The following SLC28A1 variants were observed in gnomAD, a reference collection of about 807,000 sequenced individuals.
The protein encoded by SLC28A1 is sodium/nucleoside cotransporter 1.
Under a neutral mutation model 74.8 loss-of-function variants are expected in SLC28A1, and 64 were observed. That is an observed-to-expected ratio of 0.86 (90% CI 0.70 to 1.05). The LOEUF is 1.05. Ranked by LOEUF, SLC28A1 falls within the 50% of genes least tolerant of loss-of-function variation. The pLI is 0.00. For missense variants in SLC28A1, 828 were observed against 822.8 expected, an observed-to-expected ratio of 1.01 and a Z score of -0.08; for synonymous variants, 359 against 335.0, an observed-to-expected ratio of 1.07 and a Z score of -0.78.
intron 9 of SLC28A1, among the ~76,000 whole-genome samples, chr15:84,910,635 G>A (rs1191103643): frequency 2.6e-5 from 4 of 152,196 alleles, no homozygotes; most frequent in Admixed American, 2.6e-4. Context: ...GGCTGAGGCA[G>A]GAGAATCGCT....
At position 84,933,289 on chromosome 15, in the gene SLC28A1, G is replaced by T. The variant is rs1423559177; in HGVS notation, c.1214+14G>T. The T allele has an allele frequency of 4.3e-6, 7 of 1,611,682 alleles. No homozygotes were observed. Among genetic ancestry groups the T allele is most frequent in the Non-Finnish European group, 5.1e-6 (6 of 1,178,720 alleles). Reference sequence around the variant, plus strand: ...ACTGACCTATGGGTGAGCACAGCAGGAGGTCCTGCAGACAGGGTAGTGGTA... The same window carrying T: ...ACTGACCTATGGGTGAGCACAGCAGTAGGTCCTGCAGACAGGGTAGTGGTA... On this transcript the variant is annotated intron_variant, in intron 13 of 18. Transcript: ENST00000394573.
downstream of SLC28A1, among the ~76,000 whole-genome samples, chr15:84,950,420 T>TA (rs2079380512): frequency 6.7e-6 from 1 of 149,080 alleles, no homozygotes; most frequent in Non-Finnish European, 1.5e-5. Flanking sequence ...TGTGGCCACT[T>TA]ACAATAAAAA....
intron 4 of SLC28A1, 44 bp downstream of exon 4, chr15:84,888,904 C>G: frequency 7.2e-7 from 1 of 1,398,466 alleles, no homozygotes; most frequent in Non-Finnish European, 9.9e-7. Context: ...GGGGTGGAGG[C>G]TGCTTGGGAA....
chr15:84,948,298 G>A (rs1370632142), downstream of SLC28A1, among the ~76,000 whole-genome samples: 2 of 152,162 alleles, frequency 1.3e-5, no homozygotes, highest in Non-Finnish European at 2.9e-5. Flanking sequence ...AGTGAGCCCT[G>A]AGGTTGGACA....
In SLC28A1 at chr15:84,912,820, A is replaced by AGTG. The variant is rs1567151038; in HGVS notation, c.795+4025_795+4026insGTG. ...TTTGCGCGCGCGCACACACACACAC[A>AGTG]CACACACACACACACACACACACAC... On this transcript the variant is annotated intron_variant, in intron 9 of 18. Coordinates refer to ENST00000394573, the MANE Select transcript of SLC28A1 (RefSeq NM_004213.5). 1.2e-4 allele frequency among the ~76,000 whole-genome samples: 16 copies of AGTG among 130,014 alleles called. No homozygotes were observed. The South Asian group carries it at 1.6e-3, about 13-fold the overall frequency. 85.3% of individuals were successfully genotyped at this position (130,014 alleles called of 152,430 possible).
intron 8 of SLC28A1, among the ~76,000 whole-genome samples, chr15:84,908,300 C>T (rs1967567276): frequency 1.3e-5 from 2 of 150,466 alleles, no homozygotes. Flanking sequence ...TCTCCTGCCT[C>T]AGCCTCCCAA....
intron 12 of SLC28A1, chr15:84,926,604 G>A: frequency 2.2e-6 from 1 of 451,804 alleles, no homozygotes; most frequent in East Asian, 7.1e-5. Flanking sequence ...TCCAACATTT[G>A]CAAAAGCAAG....
rs114194635 is a variant in SLC28A1, at chr15:84,887,782, C to T, written c.22C>T (p.Arg8Ter). Residue 8 changes from arginine to a stop codon, truncating the protein, a stop_gained, in exon 3 of 19, where the codon CGA becomes TGA. Coordinates refer to ENST00000394573, the MANE Select transcript of SLC28A1 (RefSeq NM_004213.5). LOFTEE classifies it high-confidence loss of function. ...GGACATGGAGAACGACCCCTCGAGA[C>T]GAAGAGAGTCCATCTCTCTCACACC... MENDPSR[R>*]RESISLTPVA... is the part of the protein sequence containing the mutation. 363 of 1,614,018 alleles carry T rather than the reference C, an allele frequency of 2.2e-4. 1 individual carries two copies. Among genetic ancestry groups the T allele is most frequent in the South Asian group, 2.1e-3 (191 of 91,078 alleles).
the SLC28A1 span, among the ~76,000 whole-genome samples, chr15:84,954,514 G>A: frequency 2.0e-4 from 31 of 152,262 alleles, no homozygotes; most frequent in East Asian, 1.4e-3. Flanking sequence ...TATGCTGTCC[G>A]TGTAATCCTT....
intron 6 of SLC28A1, among the ~76,000 whole-genome samples, chr15:84,897,349 G>GCA (rs1482027720): frequency 1.3e-5 from 2 of 151,918 alleles, no homozygotes; most frequent in African/African-American, 4.8e-5. Flanking sequence ...TTGCACCACT[G>GCA]CACTCCAGCC....
At chr15:84,925,395 T>G (rs1030104342) in intron 12 of SLC28A1, among the ~76,000 whole-genome samples, 2 of 151,910 alleles carry the variant, frequency 1.3e-5, no homozygotes, top group African/African-American at 4.8e-5. Flanking sequence ...GGTCAGGAAT[T>G]TGAGAGCAGC....
At chr15:84,906,577 C>CT (rs1567140848) in intron 8 of SLC28A1, among the ~76,000 whole-genome samples, 729 of 32,394 alleles carry the variant, frequency 0.023, 27 homozygotes, top group South Asian at 0.035. Flanking sequence ...TTTCTTTCTT[C>CT]CTTCCTTCCT....
the SLC28A1 span, among the ~76,000 whole-genome samples, chr15:84,956,361 G>A: frequency 2.0e-5 from 3 of 152,216 alleles, no homozygotes; most frequent in East Asian, 3.9e-4. Context: ...GAGCCATGGA[G>A]CATATTATCA....
At chr15:84,955,430 T>C in the SLC28A1 span, among the ~76,000 whole-genome samples, 13,421 of 152,246 alleles carry the variant, frequency 0.088, 708 homozygotes, top group African/African-American at 0.15. Context: ...TGAGGAACGC[T>C]TTGCATCAGT....
chr15:84,900,089 G>T (rs150088521), intron 6 of SLC28A1, among the ~76,000 whole-genome samples: 356 of 152,194 alleles, frequency 2.3e-3, no homozygotes, highest in African/African-American at 7.7e-3. Context: ...GGCCGAGTTG[G>T]ACAGATCACT....
At chr15:84,952,077 C>T in the SLC28A1 span, among the ~76,000 whole-genome samples, 78 of 152,156 alleles carry the variant, frequency 5.1e-4, no homozygotes, top group Non-Finnish European at 1.0e-3. Context: ...AGTCTACCCA[C>T]TAAGATCCGT....
Position 84,943,542 on chromosome 15 carries a change from G to A in SLC28A1, c.1663+16G>A. 6.3e-7 allele frequency: 1 copy of A among 1,597,258 alleles called. No individual in the cohort carries two copies. The highest frequency in any genetic ancestry group is 8.6e-7 in the Non-Finnish European group (1 of 1,164,596). Reference sequence around the variant, plus strand: ...GGAGGCTTGAGTGAGTCTAATCAGGGCCTCACCAGTGTCTAGGAGAGTCTG... The same window carrying A: ...GGAGGCTTGAGTGAGTCTAATCAGGACCTCACCAGTGTCTAGGAGAGTCTG... On this transcript the variant is annotated intron_variant, in intron 16 of 18. Coordinates refer to ENST00000394573, the MANE Select transcript of SLC28A1 (RefSeq NM_004213.5).
the SLC28A1 span, among the ~76,000 whole-genome samples, chr15:84,972,459 C>T: frequency 2.0e-5 from 3 of 152,128 alleles, no homozygotes; most frequent in Non-Finnish European, 4.4e-5. Flanking sequence ...TGTAAAGGCT[C>T]AAGAAGAAAA....
intron 11 of SLC28A1, among the ~76,000 whole-genome samples, chr15:84,921,380 G>A (rs762436325): frequency 1.3e-5 from 2 of 152,166 alleles, no homozygotes; most frequent in Non-Finnish European, 2.9e-5. Context: ...TCAGGGGATG[G>A]GAATCCCTTG....
Sources: gnomAD v4.1 joint callset for allele counts (sites outside exome capture counted in the v4.1 genomes callset) on GRCh38, gnomAD v4.1.1 for gene constraint, MANE v1.5 for transcripts, NCBI Gene and HGNC (gene_info 2026-07-23, HGNC 2026-07-21) for gene names.